TASOR2: variants seen among roughly 807,000 people sequenced by gnomAD.
TASOR2 encodes transcription activation suppressor family member 2, also known as protein TASOR 2.
TASOR2 carries 84 observed loss-of-function variants against 199.5 expected under a neutral mutation model. The observed-to-expected ratio is 0.42, with a 90% CI of 0.35 to 0.50. TASOR2 has a LOEUF of 0.50. TASOR2 is among the 20% of genes least tolerant of loss of function. TASOR2 has a pLI of 0.02. For synonymous variants in TASOR2, 1,103 were observed against 1,046.6 expected, an observed-to-expected ratio of 1.05 and a Z score of -1.04; for missense variants, 2,796 against 2,835.9, an observed-to-expected ratio of 0.99 and a Z score of 0.32.
At chr10:5,762,617 A>G in exon 20 of TASOR2, 1 of 1,484,208 alleles carries the variant, frequency 6.7e-7, no homozygotes, top group Non-Finnish European at 9.2e-7. Context: ...ACATAGAAAA[A>G]ATAGCAGCTC....
At chr10:5,692,049 C>G (rs868659203) in intron 1 of TASOR2, among the ~76,000 whole-genome samples, 1 of 148,194 alleles carries the variant, frequency 6.7e-6, no homozygotes, top group African/African-American at 2.5e-5. Context: ...GCGGCCCATA[C>G]CTGTAATTCC....
exon 15 of TASOR2, chr10:5,746,539 GATA>G: frequency 6.2e-7 from 1 of 1,614,168 alleles, no homozygotes; most frequent in Non-Finnish European, 8.5e-7. Flanking sequence ...AAGAAAGGAT[GATA>G]ATATGGGGTG....
intron 12 of TASOR2, among the ~76,000 whole-genome samples, chr10:5,736,980 A>G (rs961065512): frequency 6.7e-6 from 1 of 150,264 alleles, no homozygotes; most frequent in Non-Finnish European, 1.5e-5. Context: ...TTTTGTTTTG[A>G]GATAGAATCT....
intron 8 of TASOR2, among the ~76,000 whole-genome samples, chr10:5,725,692 G>A (rs1251080003): frequency 6.6e-6 from 1 of 152,148 alleles, no homozygotes; most frequent in East Asian, 1.9e-4. Context: ...GAGGTGGGAG[G>A]ATAGCTTGAG....
intron 2 of TASOR2, among the ~76,000 whole-genome samples, chr10:5,716,325 A>G (rs1041823309): frequency 6.6e-6 from 1 of 152,178 alleles, no homozygotes; most frequent in African/African-American, 2.4e-5. Flanking sequence ...TAATGGTCCT[A>G]TGAACATACA....
chr10:5,761,124 G>A (rs1174086764), intron 18 of TASOR2, 166 bp from the exon 20 acceptor site: 6 of 577,856 alleles, frequency 1.0e-5, no homozygotes, highest in Non-Finnish European at 1.8e-5. Context: ...TACAAAAGGA[G>A]TAGGTACAAT....
chr10:5,723,847 ACACT>A, intron 7 of TASOR2, 70 bp downstream of exon 8: 1 of 943,412 alleles, frequency 1.1e-6, no homozygotes, highest in Non-Finnish European at 1.6e-6. Context: ...TCTCTTCCAA[ACACT>A]CACACATGCA....
At chr10:5,762,599 TATAGAAAAC>T in exon 20 of TASOR2, 1 of 1,495,212 alleles carries the variant, frequency 6.7e-7, no homozygotes, top group Non-Finnish European at 9.1e-7. Context: ...TAAATAACTT[TATAGAAAAC>T]ATAGAAAAAA....
chr10:5,739,773 A>G (rs1250337880), exon 13 of TASOR2: 1 of 1,614,176 alleles, frequency 6.2e-7, no homozygotes, highest in Non-Finnish European at 8.5e-7. Flanking sequence ...CCAGGCCCTA[A>G]ATATGTTAGC....
chr10:5,686,160 G>C (rs758894862), intron 1 of TASOR2, among the ~76,000 whole-genome samples: 1 of 152,178 alleles, frequency 6.6e-6, no homozygotes, highest in East Asian at 1.9e-4. Flanking sequence ...AGCCAGGCCA[G>C]AAAAAGGGTG....
chr10:5,762,353 T>C lies in TASOR2; in HGVS notation c.7175-179T>C, dbSNP rs923254297. 3.3e-5 allele frequency among the ~76,000 whole-genome samples: 5 copies of C among 151,964 alleles called. No homozygotes were observed. The East Asian group carries it at 9.7e-4, about 29-fold the overall frequency. On this transcript the variant is annotated intron_variant, in intron 19 of 20. Transcript: ENST00000328090. ...TCAGTACTTTAACCACCACCCCCGA[T>C]GGAGGCATCTATTTCCAAAGCTTCA...
chr10:5,758,979 AAAG>A lies in TASOR2; in HGVS notation c.6984_6986del (p.Glu2328del), dbSNP rs778694265. 322 of 1,612,460 alleles carry A rather than the reference AAAG, an allele frequency of 2.0e-4. 1 individual carries two copies. Among genetic ancestry groups the A allele is most frequent in the Admixed American group, 6.5e-4 (39 of 60,014 alleles). On this transcript the variant is annotated inframe_deletion, in exon 18 of 21. Transcript: ENST00000328090. Reference sequence around the variant, plus strand: ...TCACTACAGGGAAAATAAAAAGCTAAAAGAAGATGAAAGGTAAGGACTTGCTGT... The same window carrying A: ...TCACTACAGGGAAAATAAAAAGCTAAAAGATGAAAGGTAAGGACTTGCTGT...
chr10:5,724,460 A>T, exon 8 of TASOR2: 2 of 1,546,600 alleles, frequency 1.3e-6, no homozygotes, highest in Non-Finnish European at 1.7e-6. Flanking sequence ...TTCAATTTGT[A>T]TGAGGTAGAA....
At position 5,750,048 on chromosome 10, in the gene TASOR2, T is replaced by TA. The variant is rs774797241; in HGVS notation, c.6606+22dup. On this transcript the variant is annotated intron_variant, in intron 15 of 20. Transcript: ENST00000328090. The surrounding 1 kb of genome is among the most constrained non-coding windows in gnomAD (Gnocchi z 5.4). ...CAAAGGTAAAGTGCCAGCCACGTCTTACGTATTATTTTAATTGCTGATTTT... is the reference window on the plus strand; with the variant it reads ...CAAAGGTAAAGTGCCAGCCACGTCTTAACGTATTATTTTAATTGCTGATTTT... 16 of 1,548,580 alleles carry TA rather than the reference T, an allele frequency of 1.0e-5. No individual in the cohort carries two copies. The highest frequency in any genetic ancestry group is 2.5e-5 in the South Asian group (2 of 79,816).
In TASOR2 at chr10:5,740,310, C is replaced by T. The variant is rs1246099313; in HGVS notation, c.2140C>T (p.Pro714Ser). ...GCTTCAGCAAAAGCCTCCTGACGAC[C>T]CCGTGGTGAAGCCCAAGGATCGACC... Residue 714 changes from proline to serine, a missense_variant, in exon 13 of 21, where the codon CCC (proline) becomes TCC (serine). Physicochemically the swap from Pro to Ser is moderately conservative, Grantham distance 74. This residue lies in a region of TASOR2 where 847 missense variants were observed against 887.4 expected (regional missense o/e 0.95). Coordinates refer to ENST00000328090, the Ensembl canonical transcript of TASOR2. This position sits in a 1 kb window ranked among gnomAD's most constrained non-coding sequence, Gnocchi z 5.3. The T allele has an allele frequency of 6.2e-7, 1 of 1,614,236 alleles. No homozygotes were observed. The highest frequency in any genetic ancestry group is 8.5e-7 in the Non-Finnish European group (1 of 1,180,044).
rs751716225 is a variant in TASOR2 at position 5,748,921 on chromosome 10, C to T, written c.5500C>T (p.Leu1834=). The change falls in exon 15 of 21, where the codon CTG becomes TTG. Residue 1834 remains leucine, a synonymous_variant. Transcript: ENST00000328090. The surrounding 1 kb of genome is among the most constrained non-coding windows in gnomAD (Gnocchi z 5.1). ...ACTCTCTGGAGATTCTGATCTAGACCTGCTTGGTGATTGTAGAAATCCCAG... is the reference window on the plus strand; with the variant it reads ...ACTCTCTGGAGATTCTGATCTAGACTTGCTTGGTGATTGTAGAAATCCCAG... The T allele has an allele frequency of 1.2e-6, 2 of 1,614,058 alleles. No individual in the cohort carries two copies. Among genetic ancestry groups the T allele is most frequent in the South Asian group, 2.2e-5 (2 of 91,070 alleles).
At chr10:5,691,459 T>G in intron 1 of TASOR2, among the ~76,000 whole-genome samples, 1 of 152,146 alleles carries the variant, frequency 6.6e-6, no homozygotes, top group African/African-American at 2.4e-5. Context: ...ACTCAAGGGG[T>G]GTAATTCCAA....
Position 5,712,919 on chromosome 10 carries a change from G to GT in TASOR2, c.-192+2dup, listed in dbSNP as rs2131550840. The GT allele has an allele frequency of 8.2e-7, 1 of 1,220,726 alleles. No homozygotes were observed. Among genetic ancestry groups the GT allele is most frequent in the South Asian group, 4.2e-5 (1 of 24,066 alleles). The allele number at this position is 1,220,726 out of a possible 1,614,324, so 75.6% of individuals were successfully genotyped here. A position where few individuals can be genotyped will look rare whatever the true frequency, so the allele number is the denominator to read the frequency against. On this transcript the variant is annotated splice_donor_variant, in intron 2 of 20. Coordinates refer to ENST00000328090, the Ensembl canonical transcript of TASOR2. LOFTEE classifies it low-confidence loss of function (5UTR_SPLICE). ...TCTTCTGTTTGATACTGAAAAGCAGGTAAGGGAATTAGGTTGTAGAAAATT... is the reference window on the plus strand; with the variant it reads ...TCTTCTGTTTGATACTGAAAAGCAGGTTAAGGGAATTAGGTTGTAGAAAATT...
At chr10:5,747,027 A>G in exon 15 of TASOR2, 2 of 1,614,164 alleles carry the variant, frequency 1.2e-6, no homozygotes, top group African/African-American at 2.7e-5. Context: ...TAGAACTGAC[A>G]CAGGTTGAAG....
Sources: allele counts gnomAD v4.1 joint callset (sites outside exome capture counted in the v4.1 genomes callset), GRCh38; gene constraint gnomAD v4.1.1; regional missense constraint gnomAD v4.1.1; non-coding constraint Gnocchi (gnomAD v3.1); transcripts MANE v1.5; gene names NCBI Gene and HGNC (gene_info 2026-07-23, HGNC 2026-07-21).